FRY: variants seen among roughly 807,000 people sequenced by gnomAD.
FRY encodes the protein FRY microtubule binding protein.
Under a neutral mutation model 348.4 loss-of-function variants are expected in FRY, and 128 were observed. That is an observed-to-expected ratio of 0.37 (90% CI 0.32 to 0.43). The LOEUF is 0.43. FRY is among the 20% of genes least tolerant of loss of function. FRY has a pLI of 1.00. For missense variants in FRY, 2,736 were observed against 3,695.2 expected, an observed-to-expected ratio of 0.74 and a Z score of 6.73; for synonymous variants, 1,370 against 1,374.7, an observed-to-expected ratio of 1.00 and a Z score of 0.08.
At chr13:32,037,603 G>A (rs892211694) in intron 1 of FRY, among the ~76,000 whole-genome samples, 2 of 152,154 alleles carry the variant, frequency 1.3e-5, no homozygotes, top group Admixed American at 6.6e-5. Flanking sequence ...AAAGAGAAAA[G>A]CAAACAGCAG....
Position 32,240,843 on chromosome 13 carries a change from A to T in FRY, c.6687+962A>T, listed in dbSNP as rs139629892. 2.5e-3 allele frequency among the ~76,000 whole-genome samples: 387 copies of T among 152,330 alleles called. 1 individual carries two copies. The Middle Eastern group carries it at 0.027, about 11-fold the overall frequency. ...TTTATATCATCAATCCAGATGCCAG[A>T]TAGGTTAAAAATCAGCCATTTTCTC... On this transcript the variant is annotated intron_variant, in intron 46 of 60. Transcript: ENST00000542859.
chr13:32,168,639 G>A (rs547906076), intron 17 of FRY, among the ~76,000 whole-genome samples: 1 of 152,338 alleles, frequency 6.6e-6, no homozygotes, highest in South Asian at 2.1e-4. Context: ...AACTACTGAA[G>A]AACTGTAGAT....
intron 1 of FRY, among the ~76,000 whole-genome samples, chr13:32,051,473 C>T (rs747542137): frequency 2.4e-4 from 36 of 152,178 alleles, no homozygotes; most frequent in Non-Finnish European, 4.4e-4. Flanking sequence ...AAATATTGAG[C>T]TTGTTTTCCC....
At chr13:32,142,859 C>T (rs1331443207) in intron 11 of FRY, among the ~76,000 whole-genome samples, 1 of 152,218 alleles carries the variant, frequency 6.6e-6, no homozygotes, top group African/African-American at 2.4e-5. Context: ...GCCTGGAACT[C>T]ACTGTCTGGT....
In FRY at chr13:32,265,482, C is replaced by T. The variant is rs758148919; in HGVS notation, c.7812C>T (p.Thr2604=). 1.3e-5 allele frequency: 21 copies of T among 1,614,020 alleles called. No homozygotes were observed. Among genetic ancestry groups the T allele is most frequent in the African/African-American group, 2.7e-5 (2 of 74,902 alleles). The change falls in exon 54 of 61, where the codon ACC becomes ACT. Residue 2604 remains threonine (T), a synonymous_variant. Coordinates refer to ENST00000542859, the MANE Select transcript of FRY (RefSeq NM_023037.3). Reference sequence around the variant, plus strand: ...CTGTTCGTGAGGAGGAGGACACCACCGTGCATGAGGATGATCTTTCTAGTT... The same window carrying T: ...CTGTTCGTGAGGAGGAGGACACCACTGTGCATGAGGATGATCTTTCTAGTT... ...AEAVREEEDT[T]VHEDDLSSSI... is the part of the protein sequence containing the mutation.
intron 34 of FRY, 92 bp from the exon 35 acceptor site, chr13:32,212,200 A>G (rs183267763): frequency 1.1e-5 from 8 of 747,910 alleles, no homozygotes; most frequent in Admixed American, 6.4e-5. Flanking sequence ...AAGAATTTAC[A>G]GGAAATCTTT....
intron 55 of FRY, among the ~76,000 whole-genome samples, chr13:32,273,502 G>T (rs927262406): frequency 6.6e-6 from 1 of 152,174 alleles, no homozygotes; most frequent in African/African-American, 2.4e-5. Context: ...GATTACAGGC[G>T]TGAGCCACCG....
In FRY at chr13:32,152,338, A is replaced by G. The variant is rs116012277; in HGVS notation, c.1479+2504A>G. Among the ~76,000 whole-genome samples, 944 of 152,352 alleles carry G rather than the reference A, an allele frequency of 6.2e-3. 9 individuals are homozygous for G. The highest frequency in any genetic ancestry group is 0.021 in the African/African-American group (890 of 41,586). ...CATAATTTTGTAAAAGAAGAATAAA[A>G]TTAGAAGAGTAGCATGGCCTGATTT... On this transcript the variant is annotated intron_variant, in intron 14 of 60. Transcript: ENST00000542859.
chr13:32,114,476 C>G lies in FRY; in HGVS notation c.325-2858C>G, dbSNP rs367906040. 7.9e-5 allele frequency among the ~76,000 whole-genome samples: 12 copies of G among 152,288 alleles called. No individual in the cohort carries two copies. The East Asian group carries it at 9.6e-4, about 12-fold the overall frequency. ...CATGCACATTATTGTTAACTAAACTCTACTGTGCTTTATTTGTATTTCCTT... is the reference window on the plus strand; with the variant it reads ...CATGCACATTATTGTTAACTAAACTGTACTGTGCTTTATTTGTATTTCCTT... On this transcript the variant is annotated intron_variant, in intron 3 of 60. Coordinates refer to ENST00000542859, the MANE Select transcript of FRY (RefSeq NM_023037.3).
intron 50 of FRY, among the ~76,000 whole-genome samples, chr13:32,253,792 T>C (rs968812620): frequency 6.6e-6 from 1 of 152,236 alleles, no homozygotes; most frequent in African/African-American, 2.4e-5. Flanking sequence ...TGTTCCCACA[T>C]TCATTCTACA....
At chr13:32,052,049 C>A (rs1288299263) in intron 1 of FRY, among the ~76,000 whole-genome samples, 2 of 152,144 alleles carry the variant, frequency 1.3e-5, no homozygotes, top group Non-Finnish European at 2.9e-5. Flanking sequence ...TTCTAGGAGG[C>A]AATCTGGTAT....
At chr13:32,127,518 C>CTG (rs772113995) in intron 7 of FRY, among the ~76,000 whole-genome samples, 4 of 152,148 alleles carry the variant, frequency 2.6e-5, no homozygotes, top group Non-Finnish European at 5.9e-5. Flanking sequence ...TGGCTCACAC[C>CTG]TGTAATTCCA....
Position 32,254,086 on chromosome 13 carries a change from AG to A in FRY, c.7246-137del, listed in dbSNP as rs1250827154. The A allele has an allele frequency of 6.0e-6, 5 of 833,718 alleles. No individual in the cohort carries two copies. In the Admixed American group the frequency reaches 9.3e-5, roughly 16 times the overall value. 51.6% of individuals were successfully genotyped at this position (833,718 alleles called of 1,614,324 possible). A position where few individuals can be genotyped will look rare whatever the true frequency, so the allele number is the denominator to read the frequency against. On this transcript the variant is annotated intron_variant, in intron 50 of 60. Coordinates refer to ENST00000542859, the MANE Select transcript of FRY (RefSeq NM_023037.3). Reference sequence around the variant, plus strand: ...GCACCTGTCCAACATAAATAATAAAAGAACATTCTAAAAATACCCACTGAAG... The same window carrying A: ...GCACCTGTCCAACATAAATAATAAAAAACATTCTAAAAATACCCACTGAAG...
At chr13:32,263,633 T>G (rs1025367516) in intron 53 of FRY, among the ~76,000 whole-genome samples, 23 of 152,354 alleles carry the variant, frequency 1.5e-4, no homozygotes, top group African/African-American at 5.5e-4. Context: ...TATATGTGCA[T>G]TTGATATTTC....
chr13:32,088,443 A>G (rs1876033101), intron 2 of FRY, among the ~76,000 whole-genome samples: 1 of 152,232 alleles, frequency 6.6e-6, no homozygotes, highest in Non-Finnish European at 1.5e-5. Context: ...AATAATCTAT[A>G]AAGACATTCA....
intron 58 of FRY, among the ~76,000 whole-genome samples, chr13:32,286,063 A>T (rs913752100): frequency 3.9e-5 from 6 of 152,330 alleles, no homozygotes; most frequent in East Asian, 3.9e-4. Flanking sequence ...ACCCCACATG[A>T]TAAGCAAGTG....
intron 55 of FRY, among the ~76,000 whole-genome samples, chr13:32,268,001 T>A (rs1356697286): frequency 6.6e-6 from 1 of 152,190 alleles, no homozygotes; most frequent in Non-Finnish European, 1.5e-5. Context: ...CTGTAATGAA[T>A]GTCCCTGCCT....
chr13:32,047,056 T>G (rs2773962), intron 1 of FRY, among the ~76,000 whole-genome samples: 70,517 of 151,574 alleles, frequency 0.47, 18,479 homozygotes, highest in South Asian at 0.58. Flanking sequence ...TATGTATATA[T>G]AGAGAGAGAG....
At chr13:32,118,910 CA>C (rs911954871) in intron 4 of FRY, among the ~76,000 whole-genome samples, 7 of 152,014 alleles carry the variant, frequency 4.6e-5, no homozygotes, top group Non-Finnish European at 1.0e-4. Context: ...TAAACCTTCC[CA>C]GGGGCAGGGA....
Sources: allele counts gnomAD v4.1 joint callset (sites outside exome capture counted in the v4.1 genomes callset), GRCh38; gene constraint gnomAD v4.1.1; transcripts MANE v1.5; gene names NCBI Gene and HGNC (gene_info 2026-07-23, HGNC 2026-07-21).